The following SPMIP11 variants were observed in gnomAD, a reference collection of about 807,000 sequenced individuals.
The protein encoded by SPMIP11 is long intergenic non-protein coding RNA 935.
chr12:48,768,666 C>A, the SPMIP11 span: 1 of 1,614,084 alleles, frequency 6.2e-7, no homozygotes, highest in Non-Finnish European at 8.5e-7. Flanking sequence ...CCCCTCGACA[C>A]TCCAGCTGGT....
At chr12:48,760,729 G>A in the SPMIP11 span, among the ~76,000 whole-genome samples, 4 of 151,992 alleles carry the variant, frequency 2.6e-5, no homozygotes, top group Middle Eastern at 0.014. Flanking sequence ...GTTTCACCAT[G>A]TTGGCCAGGC....
At chr12:48,769,413 CAAA>C in the SPMIP11 span, among the ~76,000 whole-genome samples, 55 of 38,846 alleles carry the variant, frequency 1.4e-3, no homozygotes, top group African/African-American at 3.7e-3. Flanking sequence ...ATCCCCATCT[CAAA>C]AAAAAAAAAA....
At chr12:48,734,513 TA>T in the SPMIP11 span, among the ~76,000 whole-genome samples, 1 of 152,192 alleles carries the variant, frequency 6.6e-6, no homozygotes, top group African/African-American at 2.4e-5. Context: ...AGTATAGGTA[TA>T]TCATAATTTT....
At chr12:48,743,258 G>A in the SPMIP11 span, among the ~76,000 whole-genome samples, 1 of 151,774 alleles carries the variant, frequency 6.6e-6, no homozygotes, top group Non-Finnish European at 1.5e-5. Context: ...GTCAGGCGTG[G>A]TGGCAGGCAC....
At chr12:48,754,069 C>T in the SPMIP11 span, among the ~76,000 whole-genome samples, 2 of 152,148 alleles carry the variant, frequency 1.3e-5, no homozygotes. Context: ...CTGAGCCCCT[C>T]TGCCTTTCCA....
chr12:48,763,985 CTT>C, the SPMIP11 span, among the ~76,000 whole-genome samples: 9 of 138,580 alleles, frequency 6.5e-5, no homozygotes, highest in Admixed American at 1.5e-4. Flanking sequence ...GCCAAAAGTA[CTT>C]TTTTTTTTTT....
chr12:48,768,546 A>T, the SPMIP11 span: 1 of 1,613,954 alleles, frequency 6.2e-7, no homozygotes, highest in Middle Eastern at 1.6e-4. Context: ...GAGTCCACTC[A>T]ATGCCCACCT....
the SPMIP11 span, among the ~76,000 whole-genome samples, chr12:48,748,706 T>C: frequency 6.6e-6 from 1 of 152,216 alleles, no homozygotes; most frequent in Admixed American, 6.5e-5. Flanking sequence ...TCCCCCATCC[T>C]CATTCTCACA....
chr12:48,763,526 A>G, the SPMIP11 span, among the ~76,000 whole-genome samples: 2 of 152,198 alleles, frequency 1.3e-5, no homozygotes, highest in Non-Finnish European at 2.9e-5. Flanking sequence ...TAAGCCAAAA[A>G]TGTAACATCT....
the SPMIP11 span, chr12:48,768,552 C>T: frequency 6.2e-7 from 1 of 1,614,140 alleles, no homozygotes; most frequent in Non-Finnish European, 8.5e-7. Context: ...ACTCAATGCC[C>T]ACCTTGGTCC....
At chr12:48,729,766 A>G in the SPMIP11 span, among the ~76,000 whole-genome samples, 1 of 151,570 alleles carries the variant, frequency 6.6e-6, no homozygotes, top group East Asian at 1.9e-4. Flanking sequence ...TCCATTGGTC[A>G]TTCTCTGTCC....
the SPMIP11 span, among the ~76,000 whole-genome samples, chr12:48,763,941 G>C: frequency 6.6e-6 from 1 of 151,050 alleles, no homozygotes; most frequent in Admixed American, 6.6e-5. Context: ...GCCTCTAAAA[G>C]TGCCGGGATT....
the SPMIP11 span, chr12:48,768,543 C>T: frequency 1.9e-6 from 3 of 1,614,110 alleles, no homozygotes; most frequent in Non-Finnish European, 2.5e-6. Context: ...ACAGAGTCCA[C>T]TCAATGCCCA....
chr12:48,737,779 C>A, the SPMIP11 span, among the ~76,000 whole-genome samples: 17 of 151,922 alleles, frequency 1.1e-4, no homozygotes, highest in Non-Finnish European at 2.2e-4. Context: ...TATAAAGTCT[C>A]CCAAATTGAT....
the SPMIP11 span, chr12:48,771,317 C>G: frequency 0.012 from 5,845 of 481,432 alleles, 62 homozygotes; most frequent in Middle Eastern, 0.025. The surrounding 1 kb of genome is among the most constrained non-coding windows in gnomAD (Gnocchi z 4.3). Flanking sequence ...CAGCCCATTC[C>G]TGATCTGGAT....
At chr12:48,757,081 C>G in the SPMIP11 span, among the ~76,000 whole-genome samples, 5 of 152,030 alleles carry the variant, frequency 3.3e-5, no homozygotes, top group African/African-American at 1.2e-4. Flanking sequence ...CAGCCAAGAG[C>G]TGGATTTTAC....
At chr12:48,742,997 C>T in the SPMIP11 span, among the ~76,000 whole-genome samples, 2 of 152,098 alleles carry the variant, frequency 1.3e-5, no homozygotes, top group African/African-American at 4.8e-5. Context: ...GCCTATAATC[C>T]CAGCACTTTG....
At chr12:48,727,535 A>T in the SPMIP11 span, 1 of 702,706 alleles carries the variant, frequency 1.4e-6, no homozygotes, top group Admixed American at 2.0e-5. Context: ...TCAGAACAAG[A>T]AAAGGAACAC....
the SPMIP11 span, chr12:48,768,158 TG>T: frequency 1.2e-5 from 3 of 253,104 alleles, no homozygotes; most frequent in Non-Finnish European, 2.3e-5. Flanking sequence ...TGCCTGTCTT[TG>T]TACAAAATAT....
Sources: allele counts gnomAD v4.1 joint callset (sites outside exome capture counted in the v4.1 genomes callset), GRCh38; gene constraint gnomAD v4.1.1; non-coding constraint Gnocchi (gnomAD v3.1); transcripts MANE v1.5; gene names NCBI Gene and HGNC (gene_info 2026-07-23, HGNC 2026-07-21).